The following CFAP44 variants were observed in gnomAD, a reference collection of about 807,000 sequenced individuals.
CFAP44 encodes cilia and flagella associated protein 44.
CFAP44 carries 134 observed loss-of-function variants against 216.2 expected under a neutral mutation model. That is an observed-to-expected ratio of 0.62 (90% CI 0.54 to 0.72). The LOEUF is 0.72. CFAP44 is among the 30% of genes least tolerant of loss of function. The probability of loss-of-function intolerance (pLI) is 0.00; values close to 1 mark genes in which losing one functional copy is unlikely to be tolerated. For synonymous variants in CFAP44, 700 were observed against 727.6 expected, an observed-to-expected ratio of 0.96 and a Z score of 0.61; for missense variants, 2,035 against 2,182.1, an observed-to-expected ratio of 0.93 and a Z score of 1.34.
rs143158884 is a variant in CFAP44, at chr3:113,317,218, G to A, written c.4517-8950C>T. ...ACTCCCATGGATGTGTGACCTGGCA[G>A]GGGGATCTCCCCAGGGAGCAGGCAG... On this transcript the variant is annotated intron_variant, in intron 28 of 34. Transcript: ENST00000393845. Among the ~76,000 whole-genome samples, 291 of 152,344 alleles carry A rather than the reference G, an allele frequency of 1.9e-3. 2 individuals are homozygous for A. Among genetic ancestry groups the A allele is most frequent in the African/African-American group, 5.7e-3 (237 of 41,586 alleles).
chr3:113,431,270 TAA>T (rs1935099871), intron 2 of CFAP44, among the ~76,000 whole-genome samples: 1 of 152,108 alleles, frequency 6.6e-6, no homozygotes, highest in Admixed American at 6.6e-5. Flanking sequence ...TTTGGGAGTC[TAA>T]GACATATGAT....
chr3:113,300,699 C>T (rs548594192), intron 32 of CFAP44, among the ~76,000 whole-genome samples: 1 of 151,708 alleles, frequency 6.6e-6, no homozygotes, highest in Non-Finnish European at 1.5e-5. Flanking sequence ...AATACATGAA[C>T]AGACATTTTA....
intron 12 of CFAP44, 75 bp from the exon 13 acceptor site, chr3:113,400,075 T>C (rs1254294716): frequency 5.3e-6 from 5 of 938,840 alleles, no homozygotes; most frequent in African/African-American, 5.2e-5. Context: ...TTTTTACATG[T>C]TGAATATTAT....
chr3:113,401,297 T>A lies in CFAP44; in HGVS notation c.1327-10A>T, dbSNP rs888614217. 113 of 1,577,028 alleles carry A rather than the reference T, an allele frequency of 7.2e-5. No individual in the cohort carries two copies. Among genetic ancestry groups the A allele is most frequent in the Non-Finnish European group, 9.6e-5 (112 of 1,168,090 alleles). ...TGGCTCCATTGGCATCCTAAAAAAA[T>A]TAAATAGTATTTTGTTTTATCATTT... On this transcript the variant is annotated splice_polypyrimidine_tract_variant and intron_variant, in intron 10 of 34. Coordinates refer to ENST00000393845, the MANE Select transcript of CFAP44 (RefSeq NM_001164496.2).
Position 113,409,460 on chromosome 3 carries a change from AC to A in CFAP44, c.674-139del. 5 of 716,444 alleles carry A rather than the reference AC, an allele frequency of 7.0e-6. No individual in the cohort carries two copies. In the South Asian group the frequency reaches 9.6e-5, roughly 14 times the overall value. The allele number at this position is 716,444 out of a possible 1,614,324, so 44.4% of individuals were successfully genotyped here. ...ATACCCTAAAGGAACAATTCCAAAAACATTCTCCATCTTTGGCTTTAGAATG... is the reference window on the plus strand; with the variant it reads ...ATACCCTAAAGGAACAATTCCAAAAAATTCTCCATCTTTGGCTTTAGAATG... On this transcript the variant is annotated intron_variant, in intron 6 of 34. Transcript: ENST00000393845.
chr3:113,311,938 A>T (rs1046937283), intron 28 of CFAP44, among the ~76,000 whole-genome samples: 11 of 152,132 alleles, frequency 7.2e-5, no homozygotes, highest in African/African-American at 2.4e-4. Context: ...TGCCCTAGAG[A>T]TTTGTGGAAC....
Position 113,330,532 on chromosome 3 carries a change from A to AT in CFAP44, c.3751dup (p.Ile1251AsnfsTer22). 6.5e-7 allele frequency: 1 copy of AT among 1,537,240 alleles called. No homozygotes were observed. The highest frequency in any genetic ancestry group is 8.7e-7 in the Non-Finnish European group (1 of 1,146,902). Reference sequence around the variant, plus strand: ...TATCTGAGGAATTTTGGGAATGGGTATGTGCTTGGATATGTGAAGAGTCGA... The same window carrying AT: ...TATCTGAGGAATTTTGGGAATGGGTATTGTGCTTGGATATGTGAAGAGTCGA... On this transcript the variant is annotated frameshift_variant, in exon 26 of 35. Coordinates refer to ENST00000393845, the MANE Select transcript of CFAP44 (RefSeq NM_001164496.2). LOFTEE classifies it high-confidence loss of function.
At chr3:113,387,826 A>G (rs1269031632) in intron 15 of CFAP44, among the ~76,000 whole-genome samples, 1 of 152,014 alleles carries the variant, frequency 6.6e-6, no homozygotes, top group African/African-American at 2.4e-5. Context: ...TCCTGAAGGG[A>G]AAGACTCAGG....
At chr3:113,380,789 A>G in intron 16 of CFAP44, 110 bp downstream of exon 16, 2 of 906,090 alleles carry the variant, frequency 2.2e-6, no homozygotes, top group South Asian at 3.4e-5. Flanking sequence ...CCTTAAGTTC[A>G]GGGCCTATGT....
At chr3:113,370,049 A>G (rs1345869451) in intron 18 of CFAP44, among the ~76,000 whole-genome samples, 2 of 152,230 alleles carry the variant, frequency 1.3e-5, no homozygotes, top group East Asian at 3.8e-4. Flanking sequence ...GAATCTCTGA[A>G]TAGACCAATA....
intron 26 of CFAP44, 108 bp from the exon 27 acceptor site, chr3:113,327,927 T>C: frequency 2.1e-6 from 2 of 957,538 alleles, no homozygotes; most frequent in Non-Finnish European, 1.5e-6. Flanking sequence ...TATGCCCTTA[T>C]GGATGGAGAA....
At position 113,299,395 on chromosome 3, in the gene CFAP44, T is replaced by A. The variant is rs138181902; in HGVS notation, c.5078-2510A>T. ...CTCACCCCTGTTAAAATGGCTTTTA[T>A]CCAAAAGACAGACAGTAACAAATGC... On this transcript the variant is annotated intron_variant, in intron 32 of 34. Coordinates refer to ENST00000393845, the MANE Select transcript of CFAP44 (RefSeq NM_001164496.2). 3.9e-3 allele frequency among the ~76,000 whole-genome samples: 598 copies of A among 152,084 alleles called. 4 individuals are homozygous for A. Among genetic ancestry groups the A allele is most frequent in the African/African-American group, 0.014 (568 of 41,470 alleles).
At chr3:113,362,599 G>A (rs1950551826) in intron 21 of CFAP44, among the ~76,000 whole-genome samples, 1 of 152,182 alleles carries the variant, frequency 6.6e-6, no homozygotes, top group African/African-American at 2.4e-5. Context: ...CAGCACCTCT[G>A]GTAAGATCCA....
At chr3:113,410,421 A>T (rs773302842) in intron 6 of CFAP44, among the ~76,000 whole-genome samples, 2 of 152,066 alleles carry the variant, frequency 1.3e-5, no homozygotes, top group Non-Finnish European at 2.9e-5. Context: ...TCCTTGCAAT[A>T]GTTTGCTCAG....
At chr3:113,370,834 C>T (rs7618884) in intron 18 of CFAP44, among the ~76,000 whole-genome samples, 82,906 of 151,652 alleles carry the variant, frequency 0.55, 24,286 homozygotes, top group African/African-American at 0.76. Flanking sequence ...GAAAACCCCA[C>T]TGTCTCAGCC....
chr3:113,313,780 T>C (rs1950062508), intron 28 of CFAP44, among the ~76,000 whole-genome samples: 1 of 152,208 alleles, frequency 6.6e-6, no homozygotes, highest in Admixed American at 6.5e-5. Flanking sequence ...ATGTAAGAAG[T>C]GCCTTTTGCC....
rs775091254 is a variant in CFAP44 at position 113,400,571 on chromosome 3, T to A, written c.1448A>T (p.Tyr483Phe). The A allele has an allele frequency of 6.2e-7, 1 of 1,608,690 alleles. No homozygotes were observed. The highest frequency in any genetic ancestry group is 2.2e-5 in the East Asian group (1 of 44,774). Residue 483 changes from tyrosine (Y) to phenylalanine (F), a missense_variant, in exon 12 of 35, where the codon TAT becomes TTT. Physicochemically the swap from Tyr to Phe is conservative, Grantham distance 22 (BLOSUM62 3). Transcript: ENST00000393845. ...GTCCAAGGCAGTTGTGGCCATGAGA[T>A]AAGTGAGAGGAGAAACAGCCACGGC... ...IEAVAVSPLTYLMATTALDCS... is the reference protein window; with the variant it reads ...IEAVAVSPLTFLMATTALDCS...
intron 22 of CFAP44, among the ~76,000 whole-genome samples, chr3:113,349,729 C>A (rs34965320): frequency 0.24 from 36,865 of 152,150 alleles, 4,661 homozygotes; most frequent in East Asian, 0.41. Context: ...CAGCTCATGT[C>A]ATCACCCTCA....
chr3:113,420,109 T>A lies in CFAP44; in HGVS notation c.478A>T (p.Ile160Leu). 6.2e-7 allele frequency: 1 copy of A among 1,614,008 alleles called. No individual in the cohort carries two copies. The highest frequency in any genetic ancestry group is 8.5e-7 in the Non-Finnish European group (1 of 1,179,940). ...AGAAAGATCAGTTGGTTCCCAGCTA[T>A]GTATATGGCGATACTGTCGTCCAGA... ...QLLDDSIAIY[I>L]AGNQLIFLNL... The change falls in exon 5 of 35, where the codon ATA becomes TTA. Residue 160 changes from isoleucine (I) to leucine (L), a missense_variant. Physicochemically the swap from Ile to Leu is conservative, Grantham distance 5. Coordinates refer to ENST00000393845, the MANE Select transcript of CFAP44 (RefSeq NM_001164496.2).
Sources: gnomAD v4.1 joint callset for allele counts (sites outside exome capture counted in the v4.1 genomes callset) on GRCh38, gnomAD v4.1.1 for gene constraint, MANE v1.5 for transcripts, NCBI Gene and HGNC (gene_info 2026-07-23, HGNC 2026-07-21) for gene names.